The following BTBD16 variants were observed in gnomAD, a reference collection of about 807,000 sequenced individuals.
The protein encoded by BTBD16 is BTB domain containing 16, also known as BTB/POZ domain-containing protein 16.
Under a neutral mutation model 67.4 loss-of-function variants are expected in BTBD16, and 66 were observed. The ratio of observed to expected loss-of-function variants is 0.98; its 90% confidence interval spans 0.80 to 1.20. The LOEUF is 1.20. Ranked by LOEUF, BTBD16 falls within the 50% of genes most tolerant of loss-of-function variation. The pLI is 0.00. For missense variants in BTBD16, 634 were observed against 616.0 expected (o/e 1.03, Z -0.31); for synonymous variants, 242 against 236.4 (o/e 1.02, Z -0.22).
At chr10:122,316,216 G>A (rs868235162) in intron 10 of BTBD16, among the ~76,000 whole-genome samples, 1 of 152,122 alleles carries the variant, frequency 6.6e-6, no homozygotes, top group African/African-American at 2.4e-5. Context: ...GCAGTGAGCC[G>A]AGATTGTGCT....
intron 2 of BTBD16, among the ~76,000 whole-genome samples, chr10:122,276,388 TA>T (rs1448305350): frequency 6.8e-6 from 1 of 146,890 alleles, no homozygotes; most frequent in Non-Finnish European, 1.5e-5. Flanking sequence ...TTACCACCAT[TA>T]AAAAAATTCC....
At chr10:122,317,347 T>G (rs1565008288) in intron 10 of BTBD16, among the ~76,000 whole-genome samples, 1 of 152,316 alleles carries the variant, frequency 6.6e-6, no homozygotes, top group Admixed American at 6.5e-5. Context: ...TAAACCTTTT[T>G]GTTAAAAACT....
At chr10:122,299,903 C>T (rs749425952) in intron 9 of BTBD16, among the ~76,000 whole-genome samples, 1 of 152,162 alleles carries the variant, frequency 6.6e-6, no homozygotes, top group Non-Finnish European at 1.5e-5. Context: ...GACCTGGCTC[C>T]TTCAACTCAC....
chr10:122,331,376 C>T, intron 12 of BTBD16, 118 bp downstream of exon 12: 1 of 1,377,862 alleles, frequency 7.3e-7, no homozygotes, highest in Non-Finnish European at 9.5e-7. Context: ...CAGGACATAT[C>T]TGGATCATCT....
intron 10 of BTBD16, among the ~76,000 whole-genome samples, chr10:122,326,389 C>A (rs76875056): frequency 6.6e-6 from 1 of 152,154 alleles, no homozygotes; most frequent in African/African-American, 2.4e-5. Context: ...TCTGTCTCTA[C>A]GAATTTGATG....
At chr10:122,286,394 G>C in intron 5 of BTBD16, 146 bp downstream of exon 5, 2 of 1,215,482 alleles carry the variant, frequency 1.6e-6, no homozygotes, top group Admixed American at 2.8e-5. Context: ...TCCCATGACA[G>C]CCTCAGTTTC....
intron 6 of BTBD16, 28 bp downstream of exon 6, chr10:122,290,026 G>A: frequency 6.9e-7 from 1 of 1,440,552 alleles, no homozygotes; most frequent in South Asian, 1.2e-5. Context: ...TATATTCTGA[G>A]AATGCCATTG....
At chr10:122,272,071 T>A (rs1158866871) in intron 1 of BTBD16, among the ~76,000 whole-genome samples, 2 of 152,148 alleles carry the variant, frequency 1.3e-5, no homozygotes, top group African/African-American at 2.4e-5. Context: ...GGCTTTAAGC[T>A]GAGGAGTTCA....
At chr10:122,300,664 C>T (rs1399560663) in intron 9 of BTBD16, among the ~76,000 whole-genome samples, 3 of 152,066 alleles carry the variant, frequency 2.0e-5, no homozygotes, top group Non-Finnish European at 4.4e-5. Flanking sequence ...CCCAATACTG[C>T]CTTTTATAGC....
chr10:122,312,286 C>CT lies in BTBD16; in HGVS notation c.911+4981dup, dbSNP rs202033723. 4.3e-3 allele frequency among the ~76,000 whole-genome samples: 630 copies of CT among 145,464 alleles called. 4 individuals are homozygous for CT. The highest frequency in any genetic ancestry group is 0.015 in the African/African-American group (595 of 39,920). ...CTTGCCAACACTAGGTATCTTCAGT[C>CT]TTTCACTTTTCTTTTTCTTTTTCTT... On this transcript the variant is annotated intron_variant, in intron 10 of 15. Transcript: ENST00000260723.
intron 9 of BTBD16, chr10:122,303,756 ATGGT>A: frequency 2.1e-6 from 1 of 468,622 alleles, no homozygotes; most frequent in Non-Finnish European, 2.8e-6. Flanking sequence ...GTAAACACAC[ATGGT>A]ACAGCCCATA....
At chr10:122,275,199 G>A (rs749930849) in intron 2 of BTBD16, 100 bp downstream of exon 2, 8 of 1,162,574 alleles carry the variant, frequency 6.9e-6, no homozygotes, top group South Asian at 1.3e-5. Context: ...CTGCACCACC[G>A]AGGACCTCAA....
At chr10:122,304,708 C>G (rs2096400354) in intron 9 of BTBD16, among the ~76,000 whole-genome samples, 2 of 152,010 alleles carry the variant, frequency 1.3e-5, no homozygotes, top group African/African-American at 4.8e-5. Flanking sequence ...CGCCTGCCAC[C>G]ATGCCCGGAT....
In BTBD16 at chr10:122,276,926, A is replaced by T. The variant is rs1163048829; in HGVS notation, c.154A>T (p.Arg52Trp). 3.1e-6 allele frequency: 5 copies of T among 1,613,916 alleles called. No homozygotes were observed. The highest frequency in any genetic ancestry group is 4.2e-6 in the Non-Finnish European group (5 of 1,179,968). ...GAGCATAGACTTTGAGGAAGCTTTG[A>T]GGAACCCAGACAGGTATGGAGACTC... ...ALSIDFEEALRNPDRLCISQI... is the reference protein window; with the variant it reads ...ALSIDFEEALWNPDRLCISQI... The change falls in exon 3 of 16, where the codon AGG (arginine) becomes TGG (tryptophan). Residue 52 changes from arginine to tryptophan, a missense_variant. Arg to Trp is a moderately radical substitution (Grantham distance 101, BLOSUM62 -3). Transcript: ENST00000260723.
At chr10:122,284,448 CA>C (rs11287011) in intron 4 of BTBD16, among the ~76,000 whole-genome samples, 80,103 of 146,782 alleles carry the variant, frequency 0.55, 21,814 homozygotes, top group East Asian at 0.88. Context: ...GACTCCATCT[CA>C]AAAAAAAAAA....
At chr10:122,324,430 T>G (rs1318775728) in intron 10 of BTBD16, among the ~76,000 whole-genome samples, 1 of 152,094 alleles carries the variant, frequency 6.6e-6, no homozygotes, top group Non-Finnish European at 1.5e-5. Context: ...GTCCCCAGGG[T>G]GGGCGAGGCC....
intron 10 of BTBD16, among the ~76,000 whole-genome samples, chr10:122,316,893 T>C (rs939255746): frequency 1.3e-5 from 2 of 152,162 alleles, no homozygotes; most frequent in Non-Finnish European, 2.9e-5. Flanking sequence ...GTTCAACTGA[T>C]TCTCCTGCCT....
intron 1 of BTBD16, among the ~76,000 whole-genome samples, chr10:122,273,667 G>A (rs922010103): frequency 6.6e-6 from 1 of 152,160 alleles, no homozygotes; most frequent in Non-Finnish European, 1.5e-5. Flanking sequence ...AGGATCACTT[G>A]AGCCCAGAAG....
At chr10:122,297,374 G>T (rs1391064860) in intron 7 of BTBD16, among the ~76,000 whole-genome samples, 2 of 152,226 alleles carry the variant, frequency 1.3e-5, no homozygotes, top group Admixed American at 1.3e-4. Flanking sequence ...AGAGGAATGG[G>T]ACTTGAGGCC....
Sources: gnomAD v4.1 joint callset for allele counts (sites outside exome capture counted in the v4.1 genomes callset) on GRCh38, gnomAD v4.1.1 for gene constraint, MANE v1.5 for transcripts, NCBI Gene and HGNC (gene_info 2026-07-23, HGNC 2026-07-21) for gene names.